The following NCOA7 variants were observed in gnomAD, a reference collection of about 807,000 sequenced individuals.
The protein encoded by NCOA7 is 140 kDa estrogen receptor-associated protein.
In NCOA7, 45 loss-of-function variants were observed where a neutral mutation model predicts 104.3. That is an observed-to-expected ratio of 0.43 (90% CI 0.34 to 0.55). NCOA7 has a LOEUF of 0.55. Among genes scored for constraint, NCOA7 ranks in the 20% least tolerant of loss-of-function variants. NCOA7 has a pLI of 0.02. For missense variants in NCOA7, 1,041 were observed against 1,119.7 expected (o/e 0.93, Z 1.00); for synonymous variants, 398 against 402.3 (o/e 0.99, Z 0.13).
At chr6:125,905,689 A>G (rs1177828630) in intron 10 of NCOA7, among the ~76,000 whole-genome samples, 1 of 152,234 alleles carries the variant, frequency 6.6e-6, no homozygotes, top group Non-Finnish European at 1.5e-5. Context: ...AGAAATTGGG[A>G]AATCTGCCAG....
chr6:125,863,681 T>C lies in NCOA7; in HGVS notation c.271+8441T>C, dbSNP rs1230347813. ...ACCATATAACTGAGTGGCTTATAAA[T>C]AACAGAAATGTATTTCTCACAGTTC... On this transcript the variant is annotated intron_variant, in intron 3 of 15. Coordinates refer to ENST00000392477, the MANE Select transcript of NCOA7 (RefSeq NM_181782.5). Among the ~76,000 whole-genome samples, 2 of 138,062 alleles carry C rather than the reference T, an allele frequency of 1.4e-5. 1 individual carries two copies. Among genetic ancestry groups the C allele is most frequent in the Non-Finnish European group, 3.1e-5 (2 of 64,926 alleles). The allele number at this position is 138,062 out of a possible 152,430, so 90.6% of individuals were successfully genotyped here. A position where few individuals can be genotyped will look rare whatever the true frequency, so the allele number is the denominator to read the frequency against.
At chr6:125,907,440 C>G (rs187357445) in intron 10 of NCOA7, among the ~76,000 whole-genome samples, 1 of 152,172 alleles carries the variant, frequency 6.6e-6, no homozygotes, top group African/African-American at 2.4e-5. Flanking sequence ...GGGCTGGCTC[C>G]GGTGGTGCTG....
chr6:125,909,859 TG>T (rs1369059511), intron 10 of NCOA7, among the ~76,000 whole-genome samples: 1 of 152,070 alleles, frequency 6.6e-6, no homozygotes, highest in East Asian at 1.9e-4. Flanking sequence ...TTAGGTGATT[TG>T]AGGGAGGATT....
At chr6:125,860,182 T>G (rs1302960801) in intron 3 of NCOA7, among the ~76,000 whole-genome samples, 1 of 152,224 alleles carries the variant, frequency 6.6e-6, no homozygotes, top group Non-Finnish European at 1.5e-5. Context: ...GGTAAACTCT[T>G]AAGGAATTTT....
intron 3 of NCOA7, among the ~76,000 whole-genome samples, chr6:125,864,021 TG>T (rs151147025): frequency 1.5e-5 from 2 of 134,462 alleles, no homozygotes; most frequent in Admixed American, 7.0e-5. Flanking sequence ...CAGGTTTTTT[TG>T]GGGGGGGCAG....
intron 2 of NCOA7, among the ~76,000 whole-genome samples, chr6:125,842,799 C>T (rs1780288962): frequency 6.6e-6 from 1 of 152,206 alleles, no homozygotes; most frequent in Admixed American, 6.5e-5. Flanking sequence ...AAAAAATTCA[C>T]ATCTGTAATA....
intron 1 of NCOA7, among the ~76,000 whole-genome samples, chr6:125,805,440 G>A (rs1232121528): frequency 1.3e-5 from 2 of 152,072 alleles, no homozygotes; most frequent in African/African-American, 2.4e-5. Flanking sequence ...GAAGAACCAG[G>A]CATTGATGTG....
At chr6:125,836,253 C>T (rs986542597) in intron 2 of NCOA7, among the ~76,000 whole-genome samples, 2 of 152,156 alleles carry the variant, frequency 1.3e-5, no homozygotes, top group East Asian at 1.9e-4. Context: ...GTATAGTTGT[C>T]ATGCCAGGGA....
At chr6:125,838,955 G>A (rs148863990) in intron 2 of NCOA7, among the ~76,000 whole-genome samples, 43 of 152,248 alleles carry the variant, frequency 2.8e-4, no homozygotes, top group African/African-American at 1.0e-3. Context: ...CAGGGGTGGT[G>A]CCAACAAGCT....
rs75461218 is a variant in NCOA7, at chr6:125,865,075, A to G, written c.272-9814A>G. Among the ~76,000 whole-genome samples the G allele has an allele frequency of 1.6e-4, 22 of 138,214 alleles. No homozygotes were observed. The East Asian group carries it at 4.7e-3, about 29-fold the overall frequency. 90.7% of individuals were successfully genotyped at this position (138,214 alleles called of 152,430 possible). On this transcript the variant is annotated intron_variant, in intron 3 of 15. Transcript: ENST00000392477. ...TTTGTGTTAGATCCTTTATTTCACT[A>G]TTTAATTTAGGACTTATGATCTGCT...
intron 2 of NCOA7, among the ~76,000 whole-genome samples, chr6:125,851,120 G>T (rs548935531): frequency 6.6e-6 from 1 of 152,162 alleles, no homozygotes; most frequent in South Asian, 2.1e-4. Flanking sequence ...TTAATTATAT[G>T]ATTATTTCAA....
upstream of NCOA7, among the ~76,000 whole-genome samples, chr6:125,788,518 C>G (rs1296085382): frequency 1.3e-5 from 2 of 151,460 alleles, no homozygotes. Flanking sequence ...TTCTTACATT[C>G]CTTGCAATAT....
intron 10 of NCOA7, among the ~76,000 whole-genome samples, chr6:125,901,309 C>T (rs1023226970): frequency 6.6e-6 from 1 of 152,192 alleles, no homozygotes; most frequent in Non-Finnish European, 1.5e-5. Flanking sequence ...GCTGTGTGTG[C>T]CCCCAGTTCC....
At position 125,916,428 on chromosome 6, in the gene NCOA7, G is replaced by A. The variant is rs113322649; in HGVS notation, c.2244+948G>A. ...ACCTCAGTTCCCTTCATCCAGTCAG[G>A]CAAGCATGTATCAAGTACTTCTTTA... is the stretch of plus-strand genomic sequence containing the variant. On this transcript the variant is annotated intron_variant, in intron 11 of 15. Transcript: ENST00000392477. 5.0e-3 allele frequency among the ~76,000 whole-genome samples: 757 copies of A among 152,270 alleles called. 6 individuals carry two copies. The highest frequency in any genetic ancestry group is 0.017 in the African/African-American group (710 of 41,554).
chr6:125,881,274 T>C, intron 6 of NCOA7, 71 bp downstream of exon 6: 1 of 1,095,266 alleles, frequency 9.1e-7, no homozygotes, highest in Non-Finnish European at 1.4e-6. Context: ...TTCAACATGT[T>C]ATTTTTCACA....
chr6:125,790,937 C>G (rs1304547626), upstream of NCOA7: 1 of 150,802 alleles, frequency 6.6e-6, no homozygotes, highest in African/African-American at 2.4e-5. Context: ...ACGGTCCTCC[C>G]CTGACCCCTC....
chr6:125,783,629 G>A (rs543180503), intron 1 of NCOA7, among the ~76,000 whole-genome samples: 36 of 152,280 alleles, frequency 2.4e-4, no homozygotes, highest in Non-Finnish European at 4.1e-4. Flanking sequence ...GCCAGAGGGA[G>A]TCTATTCAAA....
At chr6:125,928,072 G>A in intron 14 of NCOA7, 102 bp from the exon 15 acceptor site, 2 of 1,084,220 alleles carry the variant, frequency 1.8e-6, no homozygotes, top group Non-Finnish European at 2.8e-6. Flanking sequence ...CGTCAATGGG[G>A]TGAGGTGGTT....
Position 125,856,527 on chromosome 6 carries a change from T to C in NCOA7, c.271+1287T>C, listed in dbSNP as rs893484075. 2.0e-5 allele frequency among the ~76,000 whole-genome samples: 3 copies of C among 152,068 alleles called. No individual in the cohort carries two copies. The East Asian group carries it at 5.8e-4, about 29-fold the overall frequency. ...GCCACCACGCCCGGCTAATTTTTTG[T>C]ATATTTAGTAGAGACGGGGTTTCAC... On this transcript the variant is annotated intron_variant, in intron 3 of 15. Coordinates refer to ENST00000392477, the MANE Select transcript of NCOA7 (RefSeq NM_181782.5).
Sources: gnomAD v4.1 joint callset for allele counts (sites outside exome capture counted in the v4.1 genomes callset) on GRCh38, gnomAD v4.1.1 for gene constraint, MANE v1.5 for transcripts, NCBI Gene and HGNC (gene_info 2026-07-23, HGNC 2026-07-21) for gene names.